NKAIN2: variants seen among roughly 807,000 people sequenced by gnomAD.
NKAIN2 encodes the protein sodium/potassium-transporting ATPase subunit beta-1-interacting protein 2.
A neutral mutation model predicts 32.6 loss-of-function variants in NKAIN2; 14 were observed. That is an observed-to-expected ratio of 0.43 (90% CI 0.28 to 0.67). The LOEUF (loss-of-function observed/expected upper bound fraction) is 0.67. Among genes scored for constraint, NKAIN2 ranks in the 30% least tolerant of loss-of-function variants. The pLI, the probability that NKAIN2 is intolerant of heterozygous loss-of-function variation, is 0.17. For synonymous variants in NKAIN2, 80 were observed against 87.2 expected, an observed-to-expected ratio of 0.92 and a Z score of 0.46; for missense variants, 198 against 258.3, an observed-to-expected ratio of 0.77 and a Z score of 1.60.
chr6:124,448,690 T>C (rs1250589640), intron 3 of NKAIN2, among the ~76,000 whole-genome samples: 2 of 152,118 alleles, frequency 1.3e-5, no homozygotes, highest in Non-Finnish European at 2.9e-5. Flanking sequence ...TTATGAACCA[T>C]TTAGTCTTTT....
intron 6 of NKAIN2, 32 bp from the exon 7 acceptor site, chr6:124,823,188 C>A (rs757760320): frequency 6.6e-7 from 1 of 1,509,956 alleles, no homozygotes; most frequent in East Asian, 2.2e-5. Flanking sequence ...TCACTTTCCC[C>A]CTTGACTAAA....
At chr6:124,649,182 C>A (rs955343660) in intron 3 of NKAIN2, among the ~76,000 whole-genome samples, 1 of 151,808 alleles carries the variant, frequency 6.6e-6, no homozygotes, top group African/African-American at 2.4e-5. Flanking sequence ...TGAAAACCAA[C>A]AAAACTATAA....
intron 3 of NKAIN2, among the ~76,000 whole-genome samples, chr6:124,438,374 A>G (rs1583253206): frequency 1.3e-5 from 2 of 152,234 alleles, no homozygotes; most frequent in East Asian, 3.9e-4. Context: ...GGAAGATAAG[A>G]AGTCACTCTG....
At chr6:124,463,517 T>C (rs1006424257) in intron 3 of NKAIN2, among the ~76,000 whole-genome samples, 10 of 152,186 alleles carry the variant, frequency 6.6e-5, no homozygotes, top group Middle Eastern at 3.4e-3. Flanking sequence ...GCCACTGTTG[T>C]TTTCATCCTG....
intron 4 of NKAIN2, among the ~76,000 whole-genome samples, chr6:124,767,498 GC>G (rs1210862644): frequency 2.0e-5 from 3 of 152,096 alleles, no homozygotes; most frequent in Non-Finnish European, 2.9e-5. Flanking sequence ...TATTTACCAA[GC>G]TTTTTTAGCT....
At chr6:124,090,607 T>C (rs1562352160) in intron 1 of NKAIN2, among the ~76,000 whole-genome samples, 1 of 152,034 alleles carries the variant, frequency 6.6e-6, no homozygotes, top group Non-Finnish European at 1.5e-5. Flanking sequence ...ACCTTTGTTG[T>C]ATATTCAGAA....
At chr6:124,656,977 G>A (rs1784561558) in intron 3 of NKAIN2, among the ~76,000 whole-genome samples, 1 of 152,024 alleles carries the variant, frequency 6.6e-6, no homozygotes, top group African/African-American at 2.4e-5. Context: ...TTCTCAACAG[G>A]CTTGCAAAAA....
intron 1 of NKAIN2, among the ~76,000 whole-genome samples, chr6:123,816,248 T>C (rs906026664): frequency 2.0e-5 from 3 of 152,056 alleles, no homozygotes; most frequent in Non-Finnish European, 4.4e-5. Flanking sequence ...TTTAGTCTGG[T>C]TCATGGTTGA....
At chr6:123,846,960 C>T (rs986150419) in intron 1 of NKAIN2, among the ~76,000 whole-genome samples, 1 of 152,136 alleles carries the variant, frequency 6.6e-6, no homozygotes, top group Non-Finnish European at 1.5e-5. Flanking sequence ...ATGTCCTTAT[C>T]GCACATTCAG....
chr6:123,918,016 G>A lies in NKAIN2; in HGVS notation c.54+113762G>A, dbSNP rs148610007. Among the ~76,000 whole-genome samples, 263 of 152,134 alleles carry A rather than the reference G, an allele frequency of 1.7e-3. 3 individuals carry two copies. Among genetic ancestry groups the A allele is most frequent in the African/African-American group, 6.0e-3 (248 of 41,504 alleles). The stretch of plus-strand genomic sequence containing the variant: ...TAATTAAGTAGATCATATTGAAAAC[G>A]ATTATACTCAAAAATTATGTCCTTA... On this transcript the variant is annotated intron_variant, in intron 1 of 6. Coordinates refer to ENST00000368417, the MANE Select transcript of NKAIN2 (RefSeq NM_001040214.3).
chr6:124,155,683 A>G (rs1274844142), intron 1 of NKAIN2, among the ~76,000 whole-genome samples: 2 of 152,088 alleles, frequency 1.3e-5, no homozygotes, highest in East Asian at 3.9e-4. Flanking sequence ...ATAAATGGAA[A>G]AAAAATCTGA....
At chr6:123,923,091 G>GT (rs147859713) in intron 1 of NKAIN2, among the ~76,000 whole-genome samples, 1,881 of 151,476 alleles carry the variant, frequency 0.012, 38 homozygotes, top group African/African-American at 0.044. Context: ...GCCTGTAATA[G>GT]TAACTACTTC....
intron 3 of NKAIN2, among the ~76,000 whole-genome samples, chr6:124,641,530 C>CATTTT (rs1783988164): frequency 5.1e-5 from 1 of 19,500 alleles, no homozygotes; most frequent in Non-Finnish European, 1.1e-4. Flanking sequence ...AAAACACTAG[C>CATTTT]TTTTTTTTTT....
At chr6:124,504,526 C>T (rs1343425146) in intron 3 of NKAIN2, among the ~76,000 whole-genome samples, 1 of 152,144 alleles carries the variant, frequency 6.6e-6, no homozygotes, top group Non-Finnish European at 1.5e-5. Context: ...ACAGCATACT[C>T]ACATTTTATT....
chr6:124,580,041 T>G (rs1781466157), intron 3 of NKAIN2, among the ~76,000 whole-genome samples: 4 of 152,164 alleles, frequency 2.6e-5, no homozygotes, highest in Admixed American at 6.5e-5. Context: ...AAACAAAAGC[T>G]GAGGGACTTC....
intron 1 of NKAIN2, among the ~76,000 whole-genome samples, chr6:123,963,932 G>T (rs965537570): frequency 3.9e-5 from 6 of 152,102 alleles, no homozygotes; most frequent in African/African-American, 1.4e-4. Context: ...CACTGTTCAT[G>T]TATGCCCATT....
At chr6:124,229,409 C>G (rs1792306679) in intron 1 of NKAIN2, among the ~76,000 whole-genome samples, 1 of 151,976 alleles carries the variant, frequency 6.6e-6, no homozygotes, top group Non-Finnish European at 1.5e-5. Flanking sequence ...AAGAAGTTAT[C>G]TCATAATGTG....
intron 1 of NKAIN2, among the ~76,000 whole-genome samples, chr6:124,251,459 A>T (rs1221292577): frequency 6.6e-6 from 1 of 152,062 alleles, no homozygotes; most frequent in Admixed American, 6.6e-5. Context: ...CACAACAAAA[A>T]GATTAATTTA....
intron 2 of NKAIN2, among the ~76,000 whole-genome samples, chr6:124,300,531 CTTTGGAACAGGGTAACGGGCAGAG>C (rs1393018807): frequency 6.6e-6 from 1 of 152,158 alleles, no homozygotes; most frequent in Non-Finnish European, 1.5e-5. Context: ...GTGGAAGTGA[CTTTGGAACAGGGTAACGGGCAGAG>C]TTTGGAACAG....
Sources: gnomAD v4.1 joint callset for allele counts (sites outside exome capture counted in the v4.1 genomes callset) on GRCh38, gnomAD v4.1.1 for gene constraint, MANE v1.5 for transcripts, NCBI Gene and HGNC (gene_info 2026-07-23, HGNC 2026-07-21) for gene names.